RSU1: variants seen among roughly 807,000 people sequenced by gnomAD.
The protein encoded by RSU1 is Ras suppressor protein 1.
RSU1 carries 26 observed loss-of-function variants against 31.1 expected under a neutral mutation model. The observed-to-expected ratio is 0.84, with a 90% CI of 0.61 to 1.16. The LOEUF is 1.16. RSU1 is among the 50% of genes most tolerant of loss of function. The probability of loss-of-function intolerance (pLI) is 0.00; values close to 1 mark genes in which losing one functional copy is unlikely to be tolerated. For missense variants in RSU1, 320 were observed against 339.1 expected, an observed-to-expected ratio of 0.94 and a Z score of 0.44; for synonymous variants, 164 against 136.3, an observed-to-expected ratio of 1.20 and a Z score of -1.41.
intron 2 of RSU1, among the ~76,000 whole-genome samples, chr10:16,810,704 A>T (rs1838390092): frequency 6.6e-6 from 1 of 152,182 alleles, no homozygotes; most frequent in African/African-American, 2.4e-5. Flanking sequence ...TGCACTTGTT[A>T]CACCATCACA....
At chr10:16,748,252 C>G (rs568934220) in intron 7 of RSU1, 1 of 152,350 alleles carries the variant, frequency 6.6e-6, no homozygotes, top group Non-Finnish European at 1.5e-5. Context: ...CTTCTGGAGG[C>G]TTCGGGATTG....
chr10:16,736,208 A>C (rs369706977), intron 7 of RSU1, among the ~76,000 whole-genome samples: 11 of 152,204 alleles, frequency 7.2e-5, no homozygotes, highest in African/African-American at 2.7e-4. Context: ...TGTTCAGGAC[A>C]AGACTCCTAA....
At chr10:16,625,964 A>G (rs1024688632) in intron 8 of RSU1, among the ~76,000 whole-genome samples, 1 of 152,196 alleles carries the variant, frequency 6.6e-6, no homozygotes, top group South Asian at 2.1e-4. Context: ...TCGGTAACAT[A>G]CACAAAACAC....
intron 8 of RSU1, among the ~76,000 whole-genome samples, chr10:16,669,772 T>C (rs1254775557): frequency 2.6e-5 from 4 of 152,202 alleles, no homozygotes; most frequent in Non-Finnish European, 5.9e-5. Flanking sequence ...TCCTATATTA[T>C]GGTTGCGTAG....
intron 4 of RSU1, among the ~76,000 whole-genome samples, chr10:16,759,628 G>C (rs748377268): frequency 9.2e-5 from 14 of 152,322 alleles, no homozygotes; most frequent in Non-Finnish European, 1.6e-4. Flanking sequence ...TTCCCGAACA[G>C]TTGGGCACGG....
At chr10:16,786,799 C>T (rs1013673519) in intron 2 of RSU1, among the ~76,000 whole-genome samples, 1 of 152,146 alleles carries the variant, frequency 6.6e-6, no homozygotes, top group Admixed American at 6.5e-5. Context: ...TTAATAAATG[C>T]CCCTATATAG....
In RSU1 at chr10:16,778,195, C is replaced by G. The variant is rs144397687; in HGVS notation, c.160+3839G>C. On this transcript the variant is annotated intron_variant, in intron 3 of 8. Coordinates refer to ENST00000345264, the MANE Select transcript of RSU1 (RefSeq NM_012425.4). ...GTTTTTTTTAAGAGATGGGGTCTTG[C>G]TATGTTGCCCAGGCTGAAGGTCATG... Among the ~76,000 whole-genome samples the G allele has an allele frequency of 1.2e-3, 189 of 151,934 alleles. 1 individual carries two copies. The highest frequency in any genetic ancestry group is 4.2e-3 in the African/African-American group (176 of 41,432).
intron 7 of RSU1, chr10:16,722,979 TAC>T (rs1269063253): frequency 6.7e-6 from 1 of 150,044 alleles, no homozygotes; most frequent in Non-Finnish European, 1.5e-5. Context: ...TATGTATATA[TAC>T]ACACATATAC....
In RSU1 at chr10:16,764,400, G is replaced by C. The variant is rs1837271345; in HGVS notation, c.271C>G (p.Leu91Val). ...QISSLQKLKH[L>V]NLGMNRLNTL... The stretch of plus-strand genomic sequence containing the variant: ...TCCACTGATACTCACCCAAGGTTCA[G>C]GTGTTTGAGTTTCTGAAGGCTACTG... Residue 91 changes from leucine to valine, a missense_variant, in exon 4 of 9, where the codon CTG becomes GTG. By Grantham distance (32) the Leu-to-Val change is conservative. Transcript: ENST00000345264. 6.2e-7 allele frequency: 1 copy of C among 1,613,150 alleles called. No homozygotes were observed. Among genetic ancestry groups the C allele is most frequent in the African/African-American group, 1.3e-5 (1 of 74,996 alleles).
intron 7 of RSU1, among the ~76,000 whole-genome samples, chr10:16,739,175 T>G (rs1345603922): frequency 6.6e-6 from 1 of 152,214 alleles, no homozygotes; most frequent in Non-Finnish European, 1.5e-5. Flanking sequence ...TAAACATACA[T>G]GCACATGTAT....
chr10:16,707,152 C>T (rs1835922474), intron 7 of RSU1, among the ~76,000 whole-genome samples: 1 of 152,110 alleles, frequency 6.6e-6, no homozygotes, highest in Non-Finnish European at 1.5e-5. Context: ...CATTAATGGG[C>T]ACTTAGGTTG....
At chr10:16,629,722 T>A (rs1166082718) in intron 8 of RSU1, among the ~76,000 whole-genome samples, 1 of 152,180 alleles carries the variant, frequency 6.6e-6, no homozygotes, top group Non-Finnish European at 1.5e-5. Context: ...GGAATTTATG[T>A]ATCTGTCATT....
Position 16,652,752 on chromosome 10 carries a change from G to A in RSU1, c.731+42271C>T, listed in dbSNP as rs200155020. Among the ~76,000 whole-genome samples, 38 of 152,080 alleles carry A rather than the reference G, an allele frequency of 2.5e-4. No individual in the cohort carries two copies. In the East Asian group the frequency reaches 5.8e-3, roughly 23 times the overall value. On this transcript the variant is annotated intron_variant, in intron 8 of 8. Coordinates refer to ENST00000345264, the MANE Select transcript of RSU1 (RefSeq NM_012425.4). ...GGCTGGAGTGCAGTGGTGTGATCAC[G>A]GCTCACTGCAGCCTCAACCTCCAGG...
At chr10:16,603,998 T>C (rs1743708551) in intron 8 of RSU1, among the ~76,000 whole-genome samples, 1 of 152,200 alleles carries the variant, frequency 6.6e-6, no homozygotes. Context: ...ATAGTAATCA[T>C]CTAATGGACC....
rs140333951 is a variant in RSU1 at position 16,759,233 on chromosome 10, C to T, written c.282-4244G>A. 5.9e-3 allele frequency among the ~76,000 whole-genome samples: 893 copies of T among 152,266 alleles called. 12 individuals carry two copies. Among genetic ancestry groups the T allele is most frequent in the African/African-American group, 0.021 (865 of 41,526 alleles). Reference sequence around the variant, plus strand: ...AAAAAATCCAGGCCGAGCCCAGTAGCTCACGTCTGTAATCCCAGCACTTTG... The same window carrying T: ...AAAAAATCCAGGCCGAGCCCAGTAGTTCACGTCTGTAATCCCAGCACTTTG... On this transcript the variant is annotated intron_variant, in intron 4 of 8. Coordinates refer to ENST00000345264, the MANE Select transcript of RSU1 (RefSeq NM_012425.4).
At chr10:16,630,459 G>A (rs955271992) in intron 8 of RSU1, among the ~76,000 whole-genome samples, 4 of 152,070 alleles carry the variant, frequency 2.6e-5, no homozygotes, top group African/African-American at 7.2e-5. Flanking sequence ...TTTCTTATTC[G>A]TTCCAATGAG....
intron 2 of RSU1, among the ~76,000 whole-genome samples, chr10:16,791,808 C>T (rs1837921688): frequency 6.6e-6 from 1 of 152,156 alleles, no homozygotes; most frequent in Admixed American, 6.5e-5. Flanking sequence ...ATAAAATCCA[C>T]AGCCCTGTAA....
At chr10:16,619,508 C>A (rs1834033379) in intron 8 of RSU1, among the ~76,000 whole-genome samples, 1 of 152,194 alleles carries the variant, frequency 6.6e-6, no homozygotes, top group African/African-American at 2.4e-5. Context: ...AAAACAGAAA[C>A]AGAGGGAATG....
intron 7 of RSU1, chr10:16,722,956 A>G (rs972559104): frequency 3.4e-5 from 5 of 149,112 alleles, no homozygotes; most frequent in East Asian, 3.9e-4. Context: ...GTATATATAC[A>G]CACATATACA....
Sources: allele counts gnomAD v4.1 joint callset (sites outside exome capture counted in the v4.1 genomes callset), GRCh38; gene constraint gnomAD v4.1.1; transcripts MANE v1.5; gene names NCBI Gene and HGNC (gene_info 2026-07-23, HGNC 2026-07-21).